MALRD1: variants seen among roughly 807,000 people sequenced by gnomAD.
The protein encoded by MALRD1 is MAM and LDL receptor class A domain containing 1, also known as MAM and LDL-receptor class A domain-containing protein 1.
Under a neutral mutation model 242.1 loss-of-function variants are expected in MALRD1, and 247 were observed. The observed-to-expected ratio is 1.02, with a 90% CI of 0.92 to 1.13. The LOEUF (loss-of-function observed/expected upper bound fraction) is 1.13. Among genes scored for constraint, MALRD1 ranks in the 50% most tolerant of loss-of-function variants. The pLI, the probability that MALRD1 is intolerant of heterozygous loss-of-function variation, is 0.00. For missense variants in MALRD1, 2,989 were observed against 2,533.1 expected, an observed-to-expected ratio of 1.18 and a Z score of -3.86; for synonymous variants, 995 against 866.6, an observed-to-expected ratio of 1.15 and a Z score of -2.60.
intron 28 of MALRD1, among the ~76,000 whole-genome samples, chr10:19,404,285 T>C (rs1190663019): frequency 6.6e-6 from 1 of 152,036 alleles, no homozygotes; most frequent in Non-Finnish European, 1.5e-5. Flanking sequence ...CATGTAGTAA[T>C]AAACATCATT....
At chr10:19,257,895 A>G in intron 19 of MALRD1, 124 bp downstream of exon 19, 1 of 615,212 alleles carries the variant, frequency 1.6e-6, no homozygotes, top group East Asian at 3.1e-5. Flanking sequence ...CTTTTTCTCA[A>G]AACTATTAAC....
intron 28 of MALRD1, among the ~76,000 whole-genome samples, chr10:19,442,106 G>C (rs189978060): frequency 2.0e-4 from 31 of 152,234 alleles, no homozygotes; most frequent in Admixed American, 2.0e-3. Flanking sequence ...TTGTGAATGG[G>C]AGTTCACTCA....
intron 21 of MALRD1, among the ~76,000 whole-genome samples, chr10:19,319,242 G>A (rs2039514): frequency 0.94 from 142,422 of 152,190 alleles, 66,894 homozygotes; most frequent in African/African-American, 0.98. Context: ...CATCAGGAAG[G>A]TATTGTTATG....
intron 21 of MALRD1, among the ~76,000 whole-genome samples, chr10:19,310,466 A>C (rs906782933): frequency 4.6e-5 from 7 of 151,612 alleles, no homozygotes; most frequent in Non-Finnish European, 8.9e-5. Flanking sequence ...AGCTAGATAA[A>C]GAGGACCATT....
intron 38 of MALRD1, among the ~76,000 whole-genome samples, chr10:19,729,754 T>G (rs1835205403): frequency 9.0e-6 from 1 of 110,670 alleles, no homozygotes; most frequent in African/African-American, 3.5e-5. Flanking sequence ...TTTTTTTTTT[T>G]GAGACGGAGT....
At chr10:19,171,030 T>C (rs1170276885) in intron 13 of MALRD1, among the ~76,000 whole-genome samples, 1 of 152,108 alleles carries the variant, frequency 6.6e-6, no homozygotes, top group East Asian at 1.9e-4. Flanking sequence ...CCGTTATTTT[T>C]TTTGAAAACA....
Position 19,165,812 on chromosome 10 carries a change from T to G in MALRD1, c.1830+2T>G. 3 of 1,231,620 alleles carry G rather than the reference T, an allele frequency of 2.4e-6. No individual in the cohort carries two copies. Among genetic ancestry groups the G allele is most frequent in the Non-Finnish European group, 3.0e-6 (3 of 987,920 alleles). 76.3% of individuals were successfully genotyped at this position (1,231,620 alleles called of 1,614,324 possible). ...GGAGAATCTACTCTACCTTTTCAGG[T>G]AAGCACATACGAAATTAATACAACT... On this transcript the variant is annotated splice_donor_variant, in intron 13 of 39. Transcript: ENST00000454679. LOFTEE classifies it high-confidence loss of function.
chr10:19,298,059 T>G (rs1470838570), intron 21 of MALRD1, among the ~76,000 whole-genome samples: 1 of 151,944 alleles, frequency 6.6e-6, no homozygotes, highest in Non-Finnish European at 1.5e-5. Context: ...ATGAAACAGG[T>G]TTATTTAGCT....
Position 19,555,686 on chromosome 10 carries a change from G to T in MALRD1, c.5479-11816G>T, listed in dbSNP as rs541885293. Among the ~76,000 whole-genome samples, 95 of 152,290 alleles carry T rather than the reference G, an allele frequency of 6.2e-4. 2 individuals are homozygous for T. The South Asian group carries it at 0.019, about 31-fold the overall frequency. ...GTAAAGACATTCTTACAATGTGTTT[G>T]TGGCACCCAGTTCTAGAAAACTATT... On this transcript the variant is annotated intron_variant, in intron 32 of 39. Transcript: ENST00000454679.
At position 19,411,197 on chromosome 10, in the gene MALRD1, G is replaced by A. The variant is rs906953294; in HGVS notation, c.4845+21588G>A. ...CTGAAAATATAAAATTCAAGCTTTC[G>A]AGAAGATATTGTTCAGACTCCATGA... On this transcript the variant is annotated intron_variant, in intron 28 of 39. Transcript: ENST00000454679. Among the ~76,000 whole-genome samples the A allele has an allele frequency of 7.2e-5, 11 of 152,204 alleles. No homozygotes were observed. In the South Asian group the frequency reaches 1.9e-3, roughly 26 times the overall value.
At chr10:19,539,922 GCGC>G (rs2131373896) in intron 32 of MALRD1, among the ~76,000 whole-genome samples, 1 of 142,256 alleles carries the variant, frequency 7.0e-6, no homozygotes, top group Non-Finnish European at 1.5e-5. Flanking sequence ...GCGCACACAC[GCGC>G]AGTGATGGGG....
chr10:19,670,059 C>T (rs998231175), intron 36 of MALRD1, among the ~76,000 whole-genome samples: 25 of 137,564 alleles, frequency 1.8e-4, no homozygotes, highest in African/African-American at 7.1e-4. Flanking sequence ...CCTCTTCCCT[C>T]GCACGTGCAC....
chr10:19,525,008 G>A (rs1400857787), intron 31 of MALRD1, among the ~76,000 whole-genome samples: 3 of 151,660 alleles, frequency 2.0e-5, no homozygotes, highest in South Asian at 2.1e-4. Flanking sequence ...AGGTTCAAGC[G>A]ATTTTCCTGC....
At chr10:19,680,177 A>G (rs1186018127) in intron 36 of MALRD1, among the ~76,000 whole-genome samples, 1 of 152,176 alleles carries the variant, frequency 6.6e-6, no homozygotes, top group Non-Finnish European at 1.5e-5. Flanking sequence ...AGCTAAGTTC[A>G]AGTCCTGAAT....
At chr10:19,657,393 G>A (rs1367217875) in intron 36 of MALRD1, among the ~76,000 whole-genome samples, 1 of 152,082 alleles carries the variant, frequency 6.6e-6, no homozygotes, top group African/African-American at 2.4e-5. Context: ...CTTTCCAGAA[G>A]AACCCAGGAA....
intron 5 of MALRD1, among the ~76,000 whole-genome samples, chr10:19,113,966 GA>G (rs1457467810): frequency 1.3e-5 from 2 of 152,146 alleles, no homozygotes; most frequent in African/African-American, 4.8e-5. Flanking sequence ...AATACAGATT[GA>G]CCAAATGATT....
intron 29 of MALRD1, among the ~76,000 whole-genome samples, chr10:19,457,490 C>A (rs1753272592): frequency 6.6e-6 from 1 of 152,072 alleles, no homozygotes; most frequent in Non-Finnish European, 1.5e-5. Context: ...CTGTGCAAGA[C>A]CCTGTTGCAC....
At chr10:19,176,857 CGTGCATGT>C (rs1307883229) in intron 14 of MALRD1, among the ~76,000 whole-genome samples, 1 of 141,946 alleles carries the variant, frequency 7.0e-6, no homozygotes, top group Non-Finnish European at 1.6e-5. Context: ...TGTGTGTGTG[CGTGCATGT>C]GTGCATGTGT....
intron 26 of MALRD1, among the ~76,000 whole-genome samples, chr10:19,384,147 C>T (rs1193809559): frequency 6.6e-6 from 1 of 150,484 alleles, no homozygotes; most frequent in African/African-American, 2.4e-5. Flanking sequence ...TTCATATATA[C>T]ATATATTGTC....
Sources: allele counts gnomAD v4.1 joint callset (sites outside exome capture counted in the v4.1 genomes callset), GRCh38; gene constraint gnomAD v4.1.1; transcripts MANE v1.5; gene names NCBI Gene and HGNC (gene_info 2026-07-23, HGNC 2026-07-21).